The following EIF3H variants were observed in gnomAD, a reference collection of about 807,000 sequenced individuals.
EIF3H encodes eukaryotic translation initiation factor 3 subunit H.
A neutral mutation model predicts 44.2 loss-of-function variants in EIF3H; 26 were observed. The ratio of observed to expected loss-of-function variants is 0.59; its 90% CI spans 0.43 to 0.82. The LOEUF (loss-of-function observed/expected upper bound fraction) is 0.82, where lower values mean the gene tolerates loss of function less well. EIF3H is among the 40% of genes least tolerant of loss of function. The probability of loss-of-function intolerance (pLI) is 0.00; values close to 1 mark genes in which losing one functional copy is unlikely to be tolerated. For missense variants in EIF3H, 359 were observed against 432.8 expected, an observed-to-expected ratio of 0.83 and a Z score of 1.51; for synonymous variants, 166 against 151.9, an observed-to-expected ratio of 1.09 and a Z score of -0.68.
intron 1 of EIF3H, among the ~76,000 whole-genome samples, chr8:116,741,061 TGTTTTA>T (rs1453001832): frequency 1.3e-5 from 2 of 152,238 alleles, no homozygotes; most frequent in African/African-American, 4.8e-5. Flanking sequence ...TTCCTTTTTA[TGTTTTA>T]GAATCATCAA....
chr8:116,683,690 T>TA (rs1353288992), intron 2 of EIF3H, among the ~76,000 whole-genome samples: 1 of 152,226 alleles, frequency 6.6e-6, no homozygotes, highest in African/African-American at 2.4e-5. Flanking sequence ...AAATGGTTGA[T>TA]ATCAATATTC....
At chr8:116,708,798 T>C (rs1814515977) in intron 2 of EIF3H, among the ~76,000 whole-genome samples, 1 of 152,074 alleles carries the variant, frequency 6.6e-6, no homozygotes, top group Non-Finnish European at 1.5e-5. Context: ...AACATCCTTA[T>C]GGTACTCACT....
At chr8:116,646,873 G>A (rs1234820611) in intron 6 of EIF3H, among the ~76,000 whole-genome samples, 1 of 152,080 alleles carries the variant, frequency 6.6e-6, no homozygotes, top group Non-Finnish European at 1.5e-5. Flanking sequence ...AAGTAACAGG[G>A]GGCTTAAAGG....
intron 5 of EIF3H, among the ~76,000 whole-genome samples, 164 bp from the exon 6 acceptor site, chr8:116,649,090 T>C (rs74377011): frequency 6.6e-6 from 1 of 152,350 alleles, no homozygotes; most frequent in African/African-American, 2.4e-5. Context: ...AGTCAACTTG[T>C]TACTAAACTT....
At chr8:116,750,459 G>A (rs371223289) in intron 1 of EIF3H, among the ~76,000 whole-genome samples, 165 of 149,784 alleles carry the variant, frequency 1.1e-3, no homozygotes, top group African/African-American at 4.0e-3. Context: ...GCCCAATCTG[G>A]AGTGCAGTGG....
At chr8:116,683,730 C>G (rs2130848298) in intron 2 of EIF3H, among the ~76,000 whole-genome samples, 1 of 151,992 alleles carries the variant, frequency 6.6e-6, no homozygotes, top group East Asian at 1.9e-4. Flanking sequence ...AAAATAATAC[C>G]AAAGTTGGGT....
intron 2 of EIF3H, among the ~76,000 whole-genome samples, chr8:116,705,424 T>C (rs968692907): frequency 4.6e-5 from 7 of 151,696 alleles, no homozygotes; most frequent in Admixed American, 1.3e-4. Flanking sequence ...AGAAAGACAT[T>C]AGACACTACC....
chr8:116,723,444 C>T (rs1029746673), intron 2 of EIF3H, among the ~76,000 whole-genome samples: 18 of 151,964 alleles, frequency 1.2e-4, no homozygotes, highest in Admixed American at 3.3e-4. Context: ...AAAAAAGATG[C>T]ACACTGCATA....
At position 116,755,787 on chromosome 8, in the gene EIF3H, C is replaced by G. The variant is rs1041183271; in HGVS notation, c.11G>C (p.Arg4Pro). MAS[R>P]KEGTGSTATS... The stretch of plus-strand genomic sequence containing the variant: ...GGCAGTAGAGCCGGTACCTTCCTTG[C>G]GGGACGCCATCTTTCCAAGCAGACA... Residue 4 changes from arginine to proline, a missense_variant, in exon 1 of 8, where the codon CGC becomes CCC. Around this residue, in one of 5 missense-constraint regions of EIF3H, gnomAD observed 59 missense variants for 33.5 expected, o/e 1.76. Coordinates refer to ENST00000521861, the MANE Select transcript of EIF3H (RefSeq NM_003756.3). 1 of 1,613,612 alleles carries G rather than the reference C, an allele frequency of 6.2e-7. No individual in the cohort carries two copies. The highest frequency in any genetic ancestry group is 8.5e-7 in the Non-Finnish European group (1 of 1,180,012).
intron 2 of EIF3H, among the ~76,000 whole-genome samples, chr8:116,720,438 C>T (rs1163779235): frequency 2.6e-5 from 4 of 152,138 alleles, no homozygotes; most frequent in African/African-American, 4.8e-5. Context: ...TCCCCATCCA[C>T]GTAGAACTGT....
intron 6 of EIF3H, among the ~76,000 whole-genome samples, chr8:116,647,683 T>A (rs1813326973): frequency 6.6e-6 from 1 of 152,232 alleles, no homozygotes; most frequent in African/African-American, 2.4e-5. Flanking sequence ...AGTAAAAATT[T>A]AGTCTTTGGA....
At chr8:116,679,334 G>A in intron 2 of EIF3H, among the ~76,000 whole-genome samples, 1 of 70,886 alleles carries the variant, frequency 1.4e-5, no homozygotes, top group South Asian at 5.6e-4. Flanking sequence ...GCCCCATCCG[G>A]GAGGAAGGTG....
intron 2 of EIF3H, among the ~76,000 whole-genome samples, chr8:116,697,466 G>A (rs543428880): frequency 6.3e-4 from 96 of 152,274 alleles, no homozygotes; most frequent in African/African-American, 2.3e-3. Flanking sequence ...AAGAAGTCCA[G>A]TCCTTTCACC....
upstream of EIF3H, among the ~76,000 whole-genome samples, chr8:116,757,516 T>G (rs1451696543): frequency 6.6e-6 from 1 of 152,186 alleles, no homozygotes; most frequent in Admixed American, 6.5e-5. Context: ...TTCTTTCCCC[T>G]ATTTTTGTTC....
intron 2 of EIF3H, among the ~76,000 whole-genome samples, chr8:116,661,367 C>CA (rs1813584238): frequency 6.6e-6 from 1 of 152,080 alleles, no homozygotes; most frequent in African/African-American, 2.4e-5. Flanking sequence ...AATTTAGCTA[C>CA]AATATAAGAA....
At position 116,699,545 on chromosome 8, in the gene EIF3H, C is replaced by G. The variant is rs117801158; in HGVS notation, c.289+26471G>C. Among the ~76,000 whole-genome samples, 1,359 of 152,080 alleles carry G rather than the reference C, an allele frequency of 8.9e-3. 17 individuals carry two copies. The highest frequency in any genetic ancestry group is 0.011 in the Non-Finnish European group (778 of 67,984). On this transcript the variant is annotated intron_variant, in intron 2 of 7. Transcript: ENST00000521861. ...TGAGAATAGAAGACACTAGGAACTA[C>G]TAGAGTGGGTAGGGAGGGAGGGGTA... is the stretch of plus-strand genomic sequence containing the variant.
At chr8:116,720,052 A>T (rs893156431) in intron 2 of EIF3H, among the ~76,000 whole-genome samples, 2 of 152,114 alleles carry the variant, frequency 1.3e-5, no homozygotes, top group African/African-American at 2.4e-5. Context: ...GTCACTAAAC[A>T]TCAGTATCCT....
Position 116,655,895 on chromosome 8 carries a change from G to T in EIF3H, c.668C>A (p.Ala223Asp). The change falls in exon 5 of 8, where the codon GCT (alanine) becomes GAT (aspartate). Residue 223 changes from alanine to aspartate, a missense_variant. By Grantham distance (126) the Ala-to-Asp change is moderately radical. Coordinates refer to ENST00000521861, the MANE Select transcript of EIF3H (RefSeq NM_003756.3). ...VLMWELEKKS[A>D]VADKHELLSL... is the part of the protein sequence containing the mutation. ...GAGCAATTCATGTTTATCTGCAACA[G>T]CTGACTTCTTTTCAAGTTCCCACAT... The T allele has an allele frequency of 6.2e-7, 1 of 1,613,668 alleles. No homozygotes were observed. The highest frequency in any genetic ancestry group is 1.1e-5 in the South Asian group (1 of 91,066).
intron 2 of EIF3H, among the ~76,000 whole-genome samples, chr8:116,677,740 G>C (rs916990721): frequency 3.9e-5 from 6 of 152,172 alleles, no homozygotes; most frequent in Non-Finnish European, 5.9e-5. Flanking sequence ...CTCAAGGCTA[G>C]ACTTTCTCAG....
Sources: allele counts gnomAD v4.1 joint callset (sites outside exome capture counted in the v4.1 genomes callset), GRCh38; gene constraint gnomAD v4.1.1; regional missense constraint gnomAD v4.1.1; transcripts MANE v1.5; gene names NCBI Gene and HGNC (gene_info 2026-07-23, HGNC 2026-07-21).